RYR3: variants seen among roughly 807,000 people sequenced by gnomAD.
RYR3 encodes brain ryanodine receptor-calcium release channel.
Under a neutral mutation model 584.3 loss-of-function variants are expected in RYR3, and 207 were observed. The observed-to-expected ratio is 0.35, with a 90% CI of 0.32 to 0.40. RYR3 has a LOEUF of 0.40. Among genes scored for constraint, RYR3 ranks in the 10% least tolerant of loss-of-function variants. The pLI is 1.00. For synonymous variants in RYR3, 2,416 were observed against 2,248.5 expected (o/e 1.07, Z -2.11); for missense variants, 5,616 against 6,089.2 (o/e 0.92, Z 2.59).
At chr15:33,498,551 T>G (rs149074735) in intron 2 of RYR3, among the ~76,000 whole-genome samples, 1 of 152,188 alleles carries the variant, frequency 6.6e-6, no homozygotes, top group East Asian at 1.9e-4. Context: ...GGGGGCTGTT[T>G]AGTTGTTTGA....
chr15:33,567,895 A>G (rs921909624), intron 12 of RYR3, among the ~76,000 whole-genome samples: 5 of 152,196 alleles, frequency 3.3e-5, no homozygotes, highest in African/African-American at 1.2e-4. Context: ...AACCTTGGCC[A>G]CATGCTAGAT....
intron 1 of RYR3, among the ~76,000 whole-genome samples, chr15:33,352,319 T>C (rs1973390048): frequency 6.6e-6 from 1 of 152,142 alleles, no homozygotes; most frequent in South Asian, 2.1e-4. Context: ...CTTTCATGTG[T>C]TTTTAAATTT....
intron 1 of RYR3, among the ~76,000 whole-genome samples, chr15:33,387,130 T>G (rs2041661842): frequency 6.6e-6 from 1 of 152,224 alleles, no homozygotes; most frequent in Non-Finnish European, 1.5e-5. Context: ...GTGCTGGGAT[T>G]ACAGTCGTGA....
chr15:33,813,588 T>G lies in RYR3; in HGVS notation c.10502+9T>G. On this transcript the variant is annotated intron_variant, in intron 74 of 103. Coordinates refer to ENST00000634891, the MANE Select transcript of RYR3 (RefSeq NM_001036.6). ...CTCTACAACCTGCCCAGGCAAGTAT[T>G]TTGTCTTTTTTCCTGGCATGTAAGC... 6.2e-7 allele frequency: 1 copy of G among 1,609,326 alleles called. No homozygotes were observed. Among genetic ancestry groups the G allele is most frequent in the Middle Eastern group, 1.7e-4 (1 of 5,980 alleles).
At chr15:33,671,481 G>A (rs1414855554) in intron 38 of RYR3, among the ~76,000 whole-genome samples, 2 of 151,918 alleles carry the variant, frequency 1.3e-5, no homozygotes, top group Non-Finnish European at 2.9e-5. Context: ...CCTTTATATC[G>A]ACCTTTCAAC....
intron 18 of RYR3, among the ~76,000 whole-genome samples, chr15:33,610,310 C>G (rs1371520748): frequency 6.6e-6 from 1 of 152,202 alleles, no homozygotes; most frequent in Non-Finnish European, 1.5e-5. Context: ...TGCTCCCAGA[C>G]AGATTCCCAG....
At chr15:33,821,391 T>A (rs2288615) in intron 79 of RYR3, 22 bp downstream of exon 79, 1 of 1,589,014 alleles carries the variant, frequency 6.3e-7, no homozygotes, top group Non-Finnish European at 8.6e-7. Context: ...AGTTTCTGGA[T>A]GGGCTTATGT....
intron 94 of RYR3, chr15:33,850,367 G>A (rs904251862): frequency 6.6e-6 from 1 of 150,736 alleles, no homozygotes; most frequent in African/African-American, 2.4e-5. Context: ...GGGCGACAGA[G>A]CAAGACTTCA....
At chr15:33,833,291 A>G (rs768228809) in intron 86 of RYR3, among the ~76,000 whole-genome samples, 3 of 152,062 alleles carry the variant, frequency 2.0e-5, no homozygotes, top group Non-Finnish European at 4.4e-5. Flanking sequence ...GTTTTTAGTG[A>G]CTTTTTTTTG....
chr15:33,381,224 G>A (rs1342180297), intron 1 of RYR3, among the ~76,000 whole-genome samples: 3 of 152,140 alleles, frequency 2.0e-5, no homozygotes, highest in Non-Finnish European at 4.4e-5. Flanking sequence ...ACATTGGAGA[G>A]AAAAGTGATC....
rs1596033863 is a variant in RYR3 at position 33,662,550 on chromosome 15, G to A, written c.5020G>A (p.Val1674Met). The change falls in exon 35 of 104, where the codon GTG becomes ATG. Residue 1674 changes from valine (V) to methionine (M), a missense_variant. By Grantham distance (21) the Val-to-Met change is conservative (BLOSUM62 1). Coordinates refer to ENST00000634891, the MANE Select transcript of RYR3 (RefSeq NM_001036.6). ...CAGGTTCTCCACCCCTTGCTTTGTT[G>A]TGACTGGTGAGGATCACCAAAAGCA... is the stretch of plus-strand genomic sequence containing the variant. ...GFRFSTPCFV[V>M]TGEDHQKQSP... is the part of the protein sequence containing the mutation. 6.2e-7 allele frequency: 1 copy of A among 1,614,050 alleles called. No homozygotes were observed. The highest frequency in any genetic ancestry group is 8.5e-7 in the Non-Finnish European group (1 of 1,179,906).
At chr15:33,711,444 C>T (rs1455179654) in intron 43 of RYR3, among the ~76,000 whole-genome samples, 3 of 152,068 alleles carry the variant, frequency 2.0e-5, no homozygotes, top group East Asian at 1.9e-4. Flanking sequence ...GGGGTTTCAC[C>T]GTGTTAGCCA....
intron 16 of RYR3, among the ~76,000 whole-genome samples, chr15:33,600,682 A>G (rs928174907): frequency 2.6e-5 from 4 of 152,012 alleles, no homozygotes; most frequent in African/African-American, 9.7e-5. Flanking sequence ...GAGCGGGTAA[A>G]ATATTTAGAA....
intron 16 of RYR3, among the ~76,000 whole-genome samples, chr15:33,595,408 T>C (rs28890479): frequency 0.34 from 52,144 of 152,092 alleles, 9,823 homozygotes; most frequent in East Asian, 0.75. Flanking sequence ...TGGTTAATGC[T>C]TCAAGAAAAC....
chr15:33,639,513 G>A (rs908995843), intron 27 of RYR3, among the ~76,000 whole-genome samples: 1 of 152,156 alleles, frequency 6.6e-6, no homozygotes, highest in Non-Finnish European at 1.5e-5. Flanking sequence ...GTTAAGAAAA[G>A]CATCTGTTGA....
At chr15:33,742,815 A>T (rs72715103) in intron 52 of RYR3, among the ~76,000 whole-genome samples, 2,322 of 152,280 alleles carry the variant, frequency 0.015, 27 homozygotes, top group Middle Eastern at 0.048. Flanking sequence ...GAAAAAAAAA[A>T]TGAAATTGAA....
intron 38 of RYR3, among the ~76,000 whole-genome samples, chr15:33,685,793 C>G (rs1285944596): frequency 1.3e-5 from 2 of 152,226 alleles, no homozygotes; most frequent in African/African-American, 4.8e-5. Flanking sequence ...GAAACTCACT[C>G]AAAACCGCAC....
At chr15:33,656,435 C>G (rs762843813) in intron 32 of RYR3, among the ~76,000 whole-genome samples, 3 of 152,162 alleles carry the variant, frequency 2.0e-5, no homozygotes, top group Non-Finnish European at 4.4e-5. Flanking sequence ...GAATGCTCAC[C>G]GAGTATGTGT....
chr15:33,317,291 A>G (rs1968319596), intron 1 of RYR3, among the ~76,000 whole-genome samples: 1 of 152,030 alleles, frequency 6.6e-6, no homozygotes, highest in Admixed American at 6.5e-5. Context: ...TGCTTTAGTC[A>G]TGTCTGCTCA....
Sources: allele counts gnomAD v4.1 joint callset (sites outside exome capture counted in the v4.1 genomes callset), GRCh38; gene constraint gnomAD v4.1.1; transcripts MANE v1.5; gene names NCBI Gene and HGNC (gene_info 2026-07-23, HGNC 2026-07-21).